The following ALDH3B2 variants were observed in gnomAD, a reference collection of about 807,000 sequenced individuals.
ALDH3B2 encodes the protein aldehyde dehydrogenase 3 family member B2.
ALDH3B2 carries 45 observed loss-of-function variants against 36.7 expected under a neutral mutation model. The observed-to-expected ratio is 1.23, with a 90% CI of 0.97 to 1.57. The LOEUF is 1.57. ALDH3B2 is among the 40% of genes most tolerant of loss of function. The pLI is 0.00. For missense variants in ALDH3B2, 464 were observed against 513.3 expected, an observed-to-expected ratio of 0.90 and a Z score of 0.93; for synonymous variants, 217 against 226.5, an observed-to-expected ratio of 0.96 and a Z score of 0.38.
chr11:67,669,692 C>CTG (rs1366195913), intron 1 of ALDH3B2, among the ~76,000 whole-genome samples: 2 of 131,218 alleles, frequency 1.5e-5, no homozygotes, highest in Admixed American at 7.7e-5. Flanking sequence ...GTATGGGTGT[C>CTG]TGTGTGTGTA....
At chr11:67,677,253 C>T (rs962024028), upstream of ALDH3B2, among the ~76,000 whole-genome samples, 2 of 152,034 alleles carry the variant, frequency 1.3e-5, no homozygotes, top group African/African-American at 2.4e-5. Context: ...AGATAATCCT[C>T]CATGATCAAG....
chr11:67,666,960 G>A lies in ALDH3B2; in HGVS notation c.-25C>T, dbSNP rs775339680. The stretch of plus-strand genomic sequence containing the variant: ...TCCAGGCCTGCAGGTTCTTGAGAGC[G>A]TAGTCAACCTCGTTCTGGCAAAGGA... On this transcript the variant is annotated 5_prime_UTR_variant, in exon 3 of 10. The change creates a new upstream start codon in the 5' untranslated region. Coordinates refer to ENST00000349015, the Ensembl canonical transcript of ALDH3B2. 1.7e-5 allele frequency: 27 copies of A among 1,613,906 alleles called. No individual in the cohort carries two copies. The South Asian group carries it at 1.8e-4, about 10-fold the overall frequency.
At chr11:67,663,002 GC>G in exon 10 of ALDH3B2, 1 of 608,796 alleles carries the variant, frequency 1.6e-6, no homozygotes. Flanking sequence ...GGCATGTTCT[GC>G]GGCCTCTTGG....
At position 67,663,106 on chromosome 11, in the gene ALDH3B2, G is replaced by A. The variant is rs1266241153; in HGVS notation, c.*109C>T. 4.5e-6 allele frequency: 6 copies of A among 1,334,622 alleles called. No homozygotes were observed. The African/African-American group carries it at 8.8e-5, about 20-fold the overall frequency. 82.7% of individuals were successfully genotyped at this position (1,334,622 alleles called of 1,614,324 possible). On this transcript the variant is annotated 3_prime_UTR_variant, in exon 10 of 10. Coordinates refer to ENST00000349015, the Ensembl canonical transcript of ALDH3B2. ...AGTCATGTGACAGCTCCAGCAACCT[G>A]AGGCTGGGGGAACCTGCGGTCTGGA...
chr11:67,678,705 G>T (rs1005834636), upstream of ALDH3B2, among the ~76,000 whole-genome samples: 1 of 48,266 alleles, frequency 2.1e-5, no homozygotes, highest in Non-Finnish European at 5.7e-5. Context: ...ACACTATGGT[G>T]TCTATATATA....
intron 4 of ALDH3B2, 81 bp from the exon 5 acceptor site, chr11:67,666,482 A>G: frequency 6.2e-7 from 1 of 1,603,540 alleles, no homozygotes; most frequent in East Asian, 2.2e-5. Context: ...AGGGCATGTG[A>G]GGCCCAGGGT....
rs779577640 is a variant in ALDH3B2 at position 67,664,580 on chromosome 11, G to T, written c.707-18C>A. 3.1e-6 allele frequency: 5 copies of T among 1,611,648 alleles called. No homozygotes were observed. The highest frequency in any genetic ancestry group is 4.2e-6 in the Non-Finnish European group (5 of 1,179,806). On this transcript the variant is annotated intron_variant, in intron 7 of 9. Transcript: ENST00000349015. ...CGTGGGGGCTGCGGGCACCAGAGAC[G>T]GCTCAGCCCTGGGGCCACAGTCAGG...
intron 9 of ALDH3B2, 72 bp from the exon 10 acceptor site, chr11:67,663,471 G>A (rs1002392879): frequency 1.6e-5 from 25 of 1,532,730 alleles, no homozygotes; most frequent in African/African-American, 8.2e-5. Context: ...CCACTGCCCC[G>A]GCCAGGGCAC....
chr11:67,675,226 C>T (rs1009684402), upstream of ALDH3B2, among the ~76,000 whole-genome samples: 2 of 152,264 alleles, frequency 1.3e-5, no homozygotes, highest in South Asian at 2.1e-4. Context: ...ACTGTGCAAC[C>T]GTGGGTAGGT....
At chr11:67,667,425 C>T in intron 2 of ALDH3B2, 48 bp downstream of exon 2, 1 of 350,818 alleles carries the variant, frequency 2.9e-6, no homozygotes, top group Non-Finnish European at 5.3e-6. Flanking sequence ...TGAAAGAGGA[C>T]AGGGACGCTG....
chr11:67,677,633 C>T (rs947365600), upstream of ALDH3B2, among the ~76,000 whole-genome samples: 3 of 152,078 alleles, frequency 2.0e-5, no homozygotes, highest in Non-Finnish European at 4.4e-5. Flanking sequence ...GAAATAGGGG[C>T]ATCTGAATCG....
exon 7 of ALDH3B2, chr11:67,665,418 A>G (rs1855873326): frequency 1.2e-6 from 2 of 1,614,012 alleles, no homozygotes; most frequent in Non-Finnish European, 1.7e-6. Context: ...GGTCGTCGCC[A>G]TAGAAACGGG....
At chr11:67,672,085 A>ATATATCTG (rs1398899805) in intron 1 of ALDH3B2, among the ~76,000 whole-genome samples, 1 of 52,840 alleles carries the variant, frequency 1.9e-5, no homozygotes, top group Non-Finnish European at 3.6e-5. Flanking sequence ...ATATATATAT[A>ATATATCTG]TATGTATGTA....
chr11:67,677,142 C>T (rs1856287441), upstream of ALDH3B2, among the ~76,000 whole-genome samples: 1 of 152,102 alleles, frequency 6.6e-6, no homozygotes, highest in South Asian at 2.1e-4. Context: ...CGGGAAAGGA[C>T]ACAACCAAAA....
intron 1 of ALDH3B2, chr11:67,671,106 C>G (rs111820481): frequency 1.3e-5 from 2 of 152,506 alleles, no homozygotes; most frequent in East Asian, 3.8e-4. Context: ...TGACCGCCTC[C>G]GGCCTGAATC....
At chr11:67,677,109 C>T (rs1322737185), upstream of ALDH3B2, among the ~76,000 whole-genome samples, 1 of 152,132 alleles carries the variant, frequency 6.6e-6, no homozygotes. Context: ...TCTATGAAGC[C>T]AGCATCATCC....
intron 1 of ALDH3B2, among the ~76,000 whole-genome samples, chr11:67,680,468 G>A (rs1856349935): frequency 6.6e-6 from 1 of 152,178 alleles, no homozygotes; most frequent in African/African-American, 2.4e-5. Context: ...CCAGGCTGGA[G>A]TGCAGTGGCA....
exon 10 of ALDH3B2, chr11:67,663,254 T>C: frequency 6.2e-7 from 1 of 1,613,616 alleles, no homozygotes; most frequent in Non-Finnish European, 8.5e-7. Context: ...TGCCCCAGCG[T>C]AACAGCTGCT....
At chr11:67,667,101 C>A (rs1022132988) in intron 2 of ALDH3B2, 85 bp from the exon 3 acceptor site, 3 of 722,012 alleles carry the variant, frequency 4.2e-6, no homozygotes, top group Middle Eastern at 2.7e-4. Context: ...CACGCAGGCA[C>A]CACCACCACT....
Sources: allele counts gnomAD v4.1 joint callset (sites outside exome capture counted in the v4.1 genomes callset), GRCh38; gene constraint gnomAD v4.1.1; transcripts MANE v1.5; gene names NCBI Gene and HGNC (gene_info 2026-07-23, HGNC 2026-07-21).